Variants in COL3A1 observed in about 807,000 individuals in gnomAD.
COL3A1 encodes the protein collagen alpha-1(III) chain.
A neutral mutation model predicts 200.9 loss-of-function variants in COL3A1; 46 were observed. The observed-to-expected ratio is 0.23, with a 90% CI of 0.18 to 0.29. The LOEUF (loss-of-function observed/expected upper bound fraction) is 0.29. Among genes scored for constraint, COL3A1 ranks in the 10% least tolerant of loss-of-function variants. The pLI is 1.00. For synonymous variants in COL3A1, 650 were observed against 628.0 expected (o/e 1.03, Z -0.52); for missense variants, 1,367 against 1,917.6 (o/e 0.71, Z 5.36).
chr2:188,994,908 G>C lies in COL3A1; in HGVS notation c.1455+77G>C. 1.3e-6 allele frequency: 2 copies of C among 1,572,024 alleles called. No individual in the cohort carries two copies. Among genetic ancestry groups the C allele is most frequent in the Non-Finnish European group, 1.8e-6 (2 of 1,142,810 alleles). On this transcript the variant is annotated intron_variant, in intron 20 of 50. Transcript: ENST00000304636. The surrounding 1 kb of genome is among the most constrained non-coding windows in gnomAD (Gnocchi z 4.5). ...ATAAAACTACCTTCAGGGTGAGACA[G>C]CCAATTTTTCTTAAGTTGAGTGTTC...
intron 1 of COL3A1, among the ~76,000 whole-genome samples, chr2:188,980,733 G>C (rs1232121220): frequency 6.6e-6 from 1 of 150,744 alleles, no homozygotes; most frequent in African/African-American, 2.4e-5. Flanking sequence ...AAGATACTCT[G>C]ATAAATACAT....
intron 6 of COL3A1, 66 bp downstream of exon 6, chr2:188,988,200 G>A: frequency 7.2e-7 from 1 of 1,390,592 alleles, no homozygotes; most frequent in African/African-American, 1.4e-5. Flanking sequence ...TATATATTCT[G>A]CTATAATTCA....
rs984088470 is a variant in COL3A1 at position 188,998,350 on chromosome 2, A to G, written c.1977+31A>G. 4 of 1,582,832 alleles carry G rather than the reference A, an allele frequency of 2.5e-6. No homozygotes were observed. The Admixed American group carries it at 5.0e-5, about 20-fold the overall frequency. ...TTACGTTTCATTATTCAAAACTCAG[A>G]AACAAAAAGAATACACACTGTTTGT... is the stretch of plus-strand genomic sequence containing the variant. On this transcript the variant is annotated intron_variant, in intron 28 of 50. Coordinates refer to ENST00000304636, the MANE Select transcript of COL3A1 (RefSeq NM_000090.4).
At chr2:188,996,251 T>A (rs1341722447) in intron 23 of COL3A1, 73 bp downstream of exon 23, 8 of 509,254 alleles carry the variant, frequency 1.6e-5, no homozygotes, top group African/African-American at 4.5e-5. Flanking sequence ...TATCCTTGAG[T>A]GTGTGTGTGT....
At chr2:188,993,936 G>T in intron 16 of COL3A1, 102 bp from the exon 17 acceptor site, 1 of 1,087,690 alleles carries the variant, frequency 9.2e-7, no homozygotes, top group Non-Finnish European at 1.4e-6. Context: ...TCTCTACAAA[G>T]CATAACACTC....
rs939806845 is a variant in COL3A1, at chr2:188,989,272, T to C, written c.637-124T>C. 49 of 681,634 alleles carry C rather than the reference T, an allele frequency of 7.2e-5. No individual in the cohort carries two copies. The Middle Eastern group carries it at 1.2e-3, about 17-fold the overall frequency. 42.2% of individuals were successfully genotyped at this position (681,634 alleles called of 1,614,324 possible). A position where few individuals can be genotyped will look rare whatever the true frequency, so the allele number is the denominator to read the frequency against. ...ATTAACTCAGTAAGTATCATTTTCA[T>C]TATCAGAAACATTAAAAGTATTTTC... is the stretch of plus-strand genomic sequence containing the variant. On this transcript the variant is annotated intron_variant, in intron 7 of 50. Coordinates refer to ENST00000304636, the MANE Select transcript of COL3A1 (RefSeq NM_000090.4).
chr2:188,975,249 A>G (rs1239868781), intron 1 of COL3A1, among the ~76,000 whole-genome samples: 3 of 152,200 alleles, frequency 2.0e-5, no homozygotes. Flanking sequence ...CCACATTCGC[A>G]TTAATGAAGA....
chr2:189,001,430 G>T lies in COL3A1; in HGVS notation c.2317G>T (p.Ala773Ser), dbSNP rs1170068141. The T allele has an allele frequency of 1.9e-6, 3 of 1,613,858 alleles. No homozygotes were observed. The African/African-American group carries it at 4.0e-5, about 22-fold the overall frequency. Residue 773 changes from alanine to serine, a missense_variant, in exon 33 of 51, where the codon GCT becomes TCT. By Grantham distance (99) the Ala-to-Ser change is moderately conservative. Transcript: ENST00000304636. ...PTGPIGPPGP[A>S]GQPGDKGEGG... The stretch of plus-strand genomic sequence containing the variant: ...TGGTCCTATTGGTCCTCCTGGCCCA[G>T]CTGGCCAGCCTGGAGATAAGGTAAC...
chr2:188,985,271 A>G (rs1182176354), intron 3 of COL3A1, 24 bp downstream of exon 3: 2 of 1,560,428 alleles, frequency 1.3e-6, no homozygotes, highest in Admixed American at 3.3e-5. Context: ...CTTCAGTAGA[A>G]TAAAATTAAT....
Position 189,010,289 on chromosome 2 carries a change from G to C in COL3A1, c.3935G>C (p.Arg1312Pro). The stretch of plus-strand genomic sequence containing the variant: ...AGTGCCAATCCTTTGAATGTTCCAC[G>C]GAAACACTGGTGGACAGATTCTAGT... ...CISANPLNVP[R>P]KHWWTDSSAE... is the part of the protein sequence containing the mutation. Residue 1312 changes from arginine (R) to proline (P), a missense_variant, in exon 49 of 51, where the codon CGG becomes CCG. Transcript: ENST00000304636. The C allele has an allele frequency of 6.2e-7, 1 of 1,614,130 alleles. No individual in the cohort carries two copies. The highest frequency in any genetic ancestry group is 8.5e-7 in the Non-Finnish European group (1 of 1,180,000).
rs1331846660 is a variant in COL3A1, at chr2:189,001,422, C to T, written c.2309C>T (p.Pro770Leu). Residue 770 changes from proline to leucine, a missense_variant, in exon 33 of 51, where the codon CCT becomes CTT. Around this residue, in one of 5 missense-constraint regions of COL3A1, gnomAD observed 846 missense variants for 1,147.9 expected, o/e 0.74. Coordinates refer to ENST00000304636, the MANE Select transcript of COL3A1 (RefSeq NM_000090.4). Reference sequence around the variant, plus strand: ...GGTCCTACTGGTCCTATTGGTCCTCCTGGCCCAGCTGGCCAGCCTGGAGAT... The same window carrying T: ...GGTCCTACTGGTCCTATTGGTCCTCTTGGCCCAGCTGGCCAGCCTGGAGAT... ...PRGPTGPIGP[P>L]GPAGQPGDKG... 2 of 1,613,920 alleles carry T rather than the reference C, an allele frequency of 1.2e-6. No individual in the cohort carries two copies. The highest frequency in any genetic ancestry group is 1.3e-5 in the African/African-American group (1 of 75,040).
intron 28 of COL3A1, 112 bp downstream of exon 28, chr2:188,998,431 T>C (rs1688377211): frequency 9.5e-7 from 1 of 1,052,936 alleles, no homozygotes; most frequent in Non-Finnish European, 1.4e-6. Flanking sequence ...GATTTAACAT[T>C]TAGTTTTGAA....
intron 32 of COL3A1, 33 bp from the exon 33 acceptor site, chr2:189,001,364 T>C: frequency 6.2e-7 from 1 of 1,600,938 alleles, no homozygotes; most frequent in Non-Finnish European, 8.6e-7. Flanking sequence ...TATTTGTATC[T>C]TCAAAATTAA....
chr2:188,974,856 C>T (rs953524548), intron 1 of COL3A1, among the ~76,000 whole-genome samples: 2 of 152,136 alleles, frequency 1.3e-5, no homozygotes, highest in Non-Finnish European at 1.5e-5. Context: ...TAAAATTTTT[C>T]CCTCCTGGAT....
chr2:188,975,858 T>C (rs146309410), intron 1 of COL3A1, among the ~76,000 whole-genome samples: 272 of 152,042 alleles, frequency 1.8e-3, no homozygotes, highest in African/African-American at 5.0e-3. Context: ...TTGGCTCCTT[T>C]AGACTTCTCT....
intron 47 of COL3A1, 132 bp downstream of exon 47, chr2:189,008,274 C>G: frequency 1.3e-6 from 1 of 780,682 alleles, no homozygotes. Flanking sequence ...TGAACAATGA[C>G]TTTAAGACAT....
At chr2:189,003,902 A>G in intron 38 of COL3A1, 80 bp from the exon 39 acceptor site, 1 of 1,569,046 alleles carries the variant, frequency 6.4e-7, no homozygotes, top group Non-Finnish European at 8.7e-7. Flanking sequence ...CTCAAATAAA[A>G]TTATTTGAAG....
chr2:188,982,772 GA>G (rs1459685036), intron 1 of COL3A1, among the ~76,000 whole-genome samples: 1 of 151,780 alleles, frequency 6.6e-6, no homozygotes, highest in African/African-American at 2.4e-5. Flanking sequence ...AGTTGATTTG[GA>G]GAAAATTTTT....
In COL3A1 at chr2:188,994,038, G is replaced by T. The variant is rs1459137122; in HGVS notation, c.1150G>T (p.Gly384Cys). ...QGHAGAQGPP[G>C]PPGINGSPGG... is the part of the protein sequence containing the mutation. ...CATTATCTGTTTTTTGTATACTTAGGGCCCTCCTGGGATTAATGGTAGTCC... is the reference window on the plus strand; with the variant it reads ...CATTATCTGTTTTTTGTATACTTAGTGCCCTCCTGGGATTAATGGTAGTCC... Residue 384 changes from glycine (G) to cysteine (C), a missense_variant and splice_region_variant, in exon 17 of 51, where the codon GGC (glycine) becomes TGC (cysteine). This residue lies in a region of COL3A1 where 462 missense variants were observed against 681.4 expected (regional missense o/e 0.68). Transcript: ENST00000304636. This position sits in a 1 kb window ranked among gnomAD's most constrained non-coding sequence, Gnocchi z 4.5. 1 of 1,613,742 alleles carries T rather than the reference G, an allele frequency of 6.2e-7. No homozygotes were observed. The highest frequency in any genetic ancestry group is 1.7e-5 in the Admixed American group (1 of 60,002).
Sources: gnomAD v4.1 joint callset for allele counts (sites outside exome capture counted in the v4.1 genomes callset) on GRCh38, gnomAD v4.1.1 for gene constraint, gnomAD v4.1.1 regional missense constraint, Gnocchi (gnomAD v3.1) non-coding constraint, MANE v1.5 for transcripts, NCBI Gene and HGNC (gene_info 2026-07-23, HGNC 2026-07-21) for gene names.